PRKCE: variants seen among roughly 807,000 people sequenced by gnomAD.
PRKCE encodes protein kinase C epsilon.
In PRKCE, 16 loss-of-function variants were observed where a neutral mutation model predicts 85.4. The ratio of observed to expected loss-of-function variants is 0.19; its 90% CI spans 0.13 to 0.28. The LOEUF (loss-of-function observed/expected upper bound fraction) is 0.28, where lower values mean the gene tolerates loss of function less well. Among genes scored for constraint, PRKCE ranks in the 10% least tolerant of loss-of-function variants. PRKCE has a pLI of 1.00. For synonymous variants in PRKCE, 388 were observed against 371.5 expected (o/e 1.04, Z -0.51); for missense variants, 573 against 975.2 (o/e 0.59, Z 5.49).
intron 13 of PRKCE, among the ~76,000 whole-genome samples, chr2:46,156,911 C>T (rs942779578): frequency 6.6e-6 from 1 of 152,138 alleles, no homozygotes; most frequent in Admixed American, 6.5e-5. Context: ...TTTATATATC[C>T]TTCTGGAATT....
intron 1 of PRKCE, among the ~76,000 whole-genome samples, chr2:45,715,172 C>T (rs181672422): frequency 4.1e-4 from 63 of 152,362 alleles, no homozygotes; most frequent in South Asian, 2.9e-3. Context: ...TGTGTGCAAC[C>T]GTGTGCATGA....
chr2:45,880,339 T>C (rs1694787244), intron 2 of PRKCE, among the ~76,000 whole-genome samples: 1 of 152,218 alleles, frequency 6.6e-6, no homozygotes, highest in South Asian at 2.1e-4. Flanking sequence ...GGGAGGGGGA[T>C]ACAGATATCT....
chr2:46,067,770 C>A (rs1667745216), intron 10 of PRKCE, among the ~76,000 whole-genome samples: 2 of 152,178 alleles, frequency 1.3e-5, no homozygotes, highest in African/African-American at 4.8e-5. Flanking sequence ...AGGGCTTGCC[C>A]ATCCTTATCA....
intron 1 of PRKCE, among the ~76,000 whole-genome samples, chr2:45,800,862 T>C (rs1332683235): frequency 1.3e-5 from 2 of 152,220 alleles, no homozygotes; most frequent in Non-Finnish European, 2.9e-5. Context: ...GCATGAGCCA[T>C]GGTTCCAGGT....
At chr2:46,121,489 C>T (rs1574524040) in intron 11 of PRKCE, among the ~76,000 whole-genome samples, 1 of 152,202 alleles carries the variant, frequency 6.6e-6, no homozygotes, top group Non-Finnish European at 1.5e-5. Context: ...ATACAGGTAC[C>T]TGCAACTCCC....
intron 11 of PRKCE, among the ~76,000 whole-genome samples, chr2:46,112,874 CT>C (rs2104245100): frequency 6.6e-6 from 1 of 152,184 alleles, no homozygotes; most frequent in Non-Finnish European, 1.5e-5. Flanking sequence ...TTCCCCCTAT[CT>C]TTTTTGTTGC....
At chr2:45,958,523 A>G (rs1056959656) in intron 2 of PRKCE, among the ~76,000 whole-genome samples, 10 of 142,578 alleles carry the variant, frequency 7.0e-5, no homozygotes, top group African/African-American at 2.5e-4. Context: ...AAAAAAAAAA[A>G]AGAAAGAAAA....
At chr2:45,896,026 G>A (rs998484462) in intron 2 of PRKCE, among the ~76,000 whole-genome samples, 1 of 152,144 alleles carries the variant, frequency 6.6e-6, no homozygotes, top group Non-Finnish European at 1.5e-5. Context: ...GGAGTGGGGT[G>A]GTCATCCACA....
intron 11 of PRKCE, among the ~76,000 whole-genome samples, chr2:46,143,924 G>A (rs537468823): frequency 3.3e-5 from 5 of 152,336 alleles, no homozygotes; most frequent in East Asian, 3.9e-4. Flanking sequence ...GGCGATGGCC[G>A]GAGTTCACAT....
chr2:46,050,614 G>A (rs576490853), intron 10 of PRKCE, among the ~76,000 whole-genome samples: 2 of 152,210 alleles, frequency 1.3e-5, no homozygotes, highest in East Asian at 3.9e-4. Context: ...TCTGTTTCCC[G>A]CTCTGTCCTG....
intron 1 of PRKCE, among the ~76,000 whole-genome samples, chr2:45,758,065 C>G (rs1684156807): frequency 6.6e-6 from 1 of 152,106 alleles, no homozygotes; most frequent in African/African-American, 2.4e-5. Flanking sequence ...CCAGGGGAGA[C>G]CAGTACAGAG....
chr2:45,704,211 T>C (rs1018367873), intron 1 of PRKCE, among the ~76,000 whole-genome samples: 5 of 152,222 alleles, frequency 3.3e-5, no homozygotes, highest in African/African-American at 9.6e-5. Flanking sequence ...GGAAAAAGAA[T>C]CTATATGTGC....
At chr2:46,085,410 A>T (rs1325409646) in intron 10 of PRKCE, among the ~76,000 whole-genome samples, 4 of 152,184 alleles carry the variant, frequency 2.6e-5, no homozygotes, top group Non-Finnish European at 5.9e-5. Context: ...GTGCCTTAAA[A>T]CAATAGAAAT....
chr2:46,148,833 G>A (rs1014579783), intron 12 of PRKCE, among the ~76,000 whole-genome samples: 8 of 152,192 alleles, frequency 5.3e-5, no homozygotes, highest in East Asian at 3.8e-4. Context: ...TAAGTTGGGC[G>A]CTGTGTCTTT....
At chr2:45,838,771 C>A (rs1256208867) in intron 1 of PRKCE, among the ~76,000 whole-genome samples, 1 of 152,162 alleles carries the variant, frequency 6.6e-6, no homozygotes, top group African/African-American at 2.4e-5. Context: ...TGCCACCACA[C>A]CTGACCTTTA....
At chr2:45,808,424 A>G (rs1424188479) in intron 1 of PRKCE, among the ~76,000 whole-genome samples, 1 of 152,252 alleles carries the variant, frequency 6.6e-6, no homozygotes, top group Non-Finnish European at 1.5e-5. Flanking sequence ...AAAAAGTGTT[A>G]TTCCCTAGAT....
At chr2:45,724,543 T>C (rs1402928130) in intron 1 of PRKCE, among the ~76,000 whole-genome samples, 1 of 152,182 alleles carries the variant, frequency 6.6e-6, no homozygotes, top group East Asian at 1.9e-4. Flanking sequence ...GAGGAAGGCA[T>C]GTTGAAAGCT....
At chr2:46,183,724 G>A (rs535803254) in intron 14 of PRKCE, among the ~76,000 whole-genome samples, 2 of 152,256 alleles carry the variant, frequency 1.3e-5, no homozygotes, top group East Asian at 3.9e-4. Flanking sequence ...CTGCCAAGGT[G>A]CCTCCCTCCC....
chr2:45,678,691 G>T (rs185812325), intron 1 of PRKCE, among the ~76,000 whole-genome samples: 1 of 145,600 alleles, frequency 6.9e-6, no homozygotes, highest in East Asian at 2.3e-4. Context: ...TAATTATCTG[G>T]ATTTTTTTTT....
Sources: allele counts gnomAD v4.1 joint callset (sites outside exome capture counted in the v4.1 genomes callset), GRCh38; gene constraint gnomAD v4.1.1; transcripts MANE v1.5; gene names NCBI Gene and HGNC (gene_info 2026-07-23, HGNC 2026-07-21).